Variants in GRK5 observed in about 807,000 individuals in gnomAD.
The protein encoded by GRK5 is G protein-coupled receptor kinase 5, also known as g protein-coupled receptor kinase GRK5.
In GRK5, 40 loss-of-function variants were observed where a neutral mutation model predicts 78.4. The observed-to-expected ratio is 0.51, with a 90% CI of 0.40 to 0.66. The LOEUF (loss-of-function observed/expected upper bound fraction) is 0.66, where lower values mean the gene tolerates loss of function less well. Among genes scored for constraint, GRK5 ranks in the 30% least tolerant of loss-of-function variants. The pLI is 0.00. For missense variants in GRK5, 598 were observed against 759.9 expected (o/e 0.79, Z 2.50); for synonymous variants, 289 against 296.8 (o/e 0.97, Z 0.27).
chr10:119,453,037 T>A (rs2133921347), intron 14 of GRK5, 108 bp from the exon 15 acceptor site: 1 of 871,178 alleles, frequency 1.1e-6, no homozygotes, highest in African/African-American at 1.6e-5. Context: ...GGAGGGCGTG[T>A]GGCTCAGGGG....
chr10:119,209,202 T>G (rs571885527), intron 1 of GRK5, among the ~76,000 whole-genome samples: 4 of 152,250 alleles, frequency 2.6e-5, no homozygotes, highest in East Asian at 1.9e-4. Context: ...CTACACACTG[T>G]GGGGGTAGGT....
intron 13 of GRK5, among the ~76,000 whole-genome samples, chr10:119,450,721 G>A (rs957919621): frequency 6.6e-6 from 1 of 152,124 alleles, no homozygotes; most frequent in Non-Finnish European, 1.5e-5. Flanking sequence ...AGGGCATTAG[G>A]AGGATGAGGT....
rs1428936903 is a variant in GRK5, at chr10:119,271,027, T to C, written c.53-55489T>C. 6.6e-6 allele frequency among the ~76,000 whole-genome samples: 1 copy of C among 152,246 alleles called. No individual in the cohort carries two copies. Among genetic ancestry groups the C allele is most frequent in the Non-Finnish European group, 1.5e-5 (1 of 68,042 alleles). Reference sequence around the variant, plus strand: ...CATTTAAATGTCATGAGTGTTATTATTAGTCGTAATCTTATCTTTGTTAAT... The same window carrying C: ...CATTTAAATGTCATGAGTGTTATTACTAGTCGTAATCTTATCTTTGTTAAT... On this transcript the variant is annotated intron_variant, in intron 1 of 15. Transcript: ENST00000392870. This position sits in a 1 kb window ranked among gnomAD's most constrained non-coding sequence, Gnocchi z 4.1.
At chr10:119,404,970 G>T (rs1852209418) in intron 4 of GRK5, among the ~76,000 whole-genome samples, 1 of 152,238 alleles carries the variant, frequency 6.6e-6, no homozygotes, top group Admixed American at 6.5e-5. Flanking sequence ...ACCTGCTTTG[G>T]CAGTGTTACT....
chr10:119,261,018 G>A, intron 1 of GRK5, among the ~76,000 whole-genome samples: 1 of 147,418 alleles, frequency 6.8e-6, no homozygotes, highest in Non-Finnish European at 1.5e-5. Flanking sequence ...GGACGGGGCG[G>A]CTGGCCGGGC....
At chr10:119,360,933 A>G (rs1215131651) in intron 2 of GRK5, among the ~76,000 whole-genome samples, 2 of 152,212 alleles carry the variant, frequency 1.3e-5, no homozygotes, top group East Asian at 3.9e-4. Context: ...TCTTGAGGGA[A>G]GTGTTAGTCG....
chr10:119,293,524 G>A (rs1850021010), intron 1 of GRK5, among the ~76,000 whole-genome samples: 1 of 152,204 alleles, frequency 6.6e-6, no homozygotes, highest in South Asian at 2.1e-4. Context: ...CACAGCCATG[G>A]GTCTGTCACT....
At chr10:119,345,271 G>C (rs1452520035) in intron 2 of GRK5, among the ~76,000 whole-genome samples, 1 of 152,160 alleles carries the variant, frequency 6.6e-6, no homozygotes. Context: ...CCCGGCCACA[G>C]ACTCACTTTC....
At chr10:119,223,909 C>G (rs1848696286) in intron 1 of GRK5, among the ~76,000 whole-genome samples, 1 of 151,996 alleles carries the variant, frequency 6.6e-6, no homozygotes, top group Non-Finnish European at 1.5e-5. Context: ...TGGTTCTGCT[C>G]TTTGGAGGTA....
intron 5 of GRK5, 97 bp from the exon 6 acceptor site, chr10:119,424,896 C>T (rs534624771): frequency 2.4e-6 from 2 of 831,216 alleles, no homozygotes; most frequent in East Asian, 2.5e-5. Flanking sequence ...GTTGAGAGGC[C>T]CTGTTTACTT....
rs145025325 is a variant in GRK5 at position 119,389,638 on chromosome 10, G to A, written c.262-7057G>A. Among the ~76,000 whole-genome samples the A allele has an allele frequency of 2.0e-5, 3 of 152,234 alleles. No individual in the cohort carries two copies. The East Asian group carries it at 5.8e-4, about 29-fold the overall frequency. Reference sequence around the variant, plus strand: ...CTGCAGTTGACTGGAGCAGGAGGGGGTCTGTGAGCCAAGGCAGGCCAACGA... The same window carrying A: ...CTGCAGTTGACTGGAGCAGGAGGGGATCTGTGAGCCAAGGCAGGCCAACGA... On this transcript the variant is annotated intron_variant, in intron 3 of 15. Transcript: ENST00000392870.
rs1849575050 is a variant in GRK5, at chr10:119,271,054, A to G, written c.53-55462A>G. ...AGTCGTAATCTTATCTTTGTTAATA[A>G]TAATAACAGGACCCGCCTAGAAGTG... is the stretch of plus-strand genomic sequence containing the variant. On this transcript the variant is annotated intron_variant, in intron 1 of 15. Transcript: ENST00000392870. The surrounding 1 kb of genome is among the most constrained non-coding windows in gnomAD (Gnocchi z 4.1). Among the ~76,000 whole-genome samples the G allele has an allele frequency of 1.3e-5, 2 of 152,240 alleles. No homozygotes were observed. The highest frequency in any genetic ancestry group is 2.9e-5 in the Non-Finnish European group (2 of 68,046).
intron 1 of GRK5, among the ~76,000 whole-genome samples, chr10:119,301,807 T>C (rs1349748536): frequency 6.6e-6 from 1 of 152,232 alleles, no homozygotes; most frequent in Non-Finnish European, 1.5e-5. Flanking sequence ...AGCATTTTCC[T>C]CTGCCAGGCC....
chr10:119,453,076 T>C, intron 14 of GRK5, 69 bp from the exon 15 acceptor site: 1 of 1,020,424 alleles, frequency 9.8e-7, no homozygotes, highest in Non-Finnish European at 1.6e-6. Context: ...GGAGCCCCAG[T>C]GGCTTTGCTG....
At position 119,457,630 on chromosome 10, in the gene GRK5, G is replaced by A. The variant is rs1853419289; in HGVS notation, c.*2563G>A. The A allele has an allele frequency of 6.6e-6, 1 of 151,008 alleles. No individual in the cohort carries two copies. The highest frequency in any genetic ancestry group is 6.6e-5 in the Admixed American group (1 of 15,152). 9.4% of individuals were successfully genotyped at this position (151,008 alleles called of 1,614,324 possible). ...AGCCCTTCTCCCTACTGAGTCCCCA[G>A]TCCTGTCCCTTCCCTGACTCGCTCC... is the stretch of plus-strand genomic sequence containing the variant. On this transcript the variant is annotated 3_prime_UTR_variant, in exon 16 of 16. Transcript: ENST00000392870.
chr10:119,350,443 T>C (rs1476066298), intron 2 of GRK5, among the ~76,000 whole-genome samples: 5 of 152,214 alleles, frequency 3.3e-5, no homozygotes, highest in Admixed American at 6.5e-5. Context: ...ACTTTTCCAT[T>C]GCTCAAAAGT....
intron 1 of GRK5, among the ~76,000 whole-genome samples, chr10:119,241,958 G>C (rs1849034964): frequency 6.6e-6 from 1 of 152,036 alleles, no homozygotes; most frequent in Non-Finnish European, 1.5e-5. Context: ...GGGTAGGGAA[G>C]CCATGGGAAG....
chr10:119,290,066 G>T (rs1849922700), intron 1 of GRK5, among the ~76,000 whole-genome samples: 1 of 152,114 alleles, frequency 6.6e-6, no homozygotes, highest in South Asian at 2.1e-4. Flanking sequence ...TCTGTTCCCG[G>T]CTGGGCGTGA....
At chr10:119,383,450 A>G (rs1196007941) in intron 3 of GRK5, among the ~76,000 whole-genome samples, 1 of 152,206 alleles carries the variant, frequency 6.6e-6, no homozygotes, top group East Asian at 1.9e-4. Flanking sequence ...CAACATTCTA[A>G]TTCTGCCATT....
Sources: allele counts gnomAD v4.1 joint callset (sites outside exome capture counted in the v4.1 genomes callset), GRCh38; gene constraint gnomAD v4.1.1; non-coding constraint Gnocchi (gnomAD v3.1); transcripts MANE v1.5; gene names NCBI Gene and HGNC (gene_info 2026-07-23, HGNC 2026-07-21).